MFSD11: variants seen among roughly 807,000 people sequenced by gnomAD.
MFSD11 encodes the protein major facilitator superfamily domain containing 11, also known as UNC93-like protein MFSD11.
MFSD11 carries 36 observed loss-of-function variants against 53.5 expected under a neutral mutation model. The ratio of observed to expected loss-of-function variants is 0.67; its 90% CI spans 0.52 to 0.89. MFSD11 has a LOEUF of 0.89. Among genes scored for constraint, MFSD11 ranks in the 40% least tolerant of loss-of-function variants. The probability of loss-of-function intolerance (pLI) is 0.00; values close to 1 mark genes in which losing one functional copy is unlikely to be tolerated. For missense variants in MFSD11, 530 were observed against 543.9 expected (o/e 0.97, Z 0.25); for synonymous variants, 186 against 184.9 (o/e 1.01, Z -0.05).
At chr17:76,795,221 C>G in the MFSD11 span, among the ~76,000 whole-genome samples, 1 of 150,020 alleles carries the variant, frequency 6.7e-6, no homozygotes, top group Non-Finnish European at 1.5e-5. Flanking sequence ...CGGGCTCATG[C>G]CTGTAATCCC....
At chr17:76,767,494 C>A in intron 9 of MFSD11, 43 bp downstream of exon 9, 2 of 1,268,478 alleles carry the variant, frequency 1.6e-6, no homozygotes, top group Non-Finnish European at 1.1e-6. Context: ...TGCATAATGA[C>A]AATAAGGAGT....
chr17:76,737,230 G>A (rs761683395), upstream of MFSD11: 2 of 1,463,850 alleles, frequency 1.4e-6, no homozygotes, highest in African/African-American at 2.8e-5. Context: ...GTGCGACGCC[G>A]CGCCTCTCAG....
At chr17:76,763,702 C>G (rs187710430) in intron 8 of MFSD11, among the ~76,000 whole-genome samples, 2 of 151,954 alleles carry the variant, frequency 1.3e-5, no homozygotes, top group East Asian at 3.9e-4. Flanking sequence ...AGCAAACGCT[C>G]TAGGAAAACA....
At chr17:76,778,093 T>A (rs1034835728) in intron 12 of MFSD11, 95 bp from the exon 13 acceptor site, 16 of 1,202,744 alleles carry the variant, frequency 1.3e-5, no homozygotes, top group Non-Finnish European at 1.9e-5. Flanking sequence ...GAGTTCCAGG[T>A]GTCCTTGGGG....
At chr17:76,793,757 A>G in the MFSD11 span, among the ~76,000 whole-genome samples, 16 of 151,594 alleles carry the variant, frequency 1.1e-4, no homozygotes, top group Admixed American at 2.6e-4. Flanking sequence ...TGGGGATCTA[A>G]TAAATGTCCA....
the MFSD11 span, among the ~76,000 whole-genome samples, chr17:76,789,443 C>T: frequency 6.7e-6 from 1 of 149,984 alleles, no homozygotes; most frequent in Non-Finnish European, 1.5e-5. Flanking sequence ...CAAGCATTCC[C>T]AGAGGAAGGT....
chr17:76,740,701 C>T (rs1183620499), intron 2 of MFSD11, among the ~76,000 whole-genome samples: 1 of 152,166 alleles, frequency 6.6e-6, no homozygotes, highest in Non-Finnish European at 1.5e-5. Flanking sequence ...GTTCCTGTTA[C>T]TATGACTTAC....
At chr17:76,741,239 G>A (rs1271792179) in intron 3 of MFSD11, among the ~76,000 whole-genome samples, 175 bp downstream of exon 3, 2 of 152,122 alleles carry the variant, frequency 1.3e-5, no homozygotes, top group Non-Finnish European at 2.9e-5. Context: ...GTGATAGGAT[G>A]TATCTATATC....
chr17:76,737,316 C>T (rs974519049), upstream of MFSD11: 8 of 1,076,226 alleles, frequency 7.4e-6, no homozygotes, highest in South Asian at 7.2e-5. Context: ...CAGGCTAGCG[C>T]ACCTGAGTAA....
At chr17:76,787,667 T>G in the MFSD11 span, among the ~76,000 whole-genome samples, 6 of 149,652 alleles carry the variant, frequency 4.0e-5, no homozygotes, top group African/African-American at 1.5e-4. Context: ...AGCAGTGAAA[T>G]GATTGAAAAC....
At chr17:76,739,713 C>T (rs1473461796) in intron 2 of MFSD11, among the ~76,000 whole-genome samples, 3 of 152,148 alleles carry the variant, frequency 2.0e-5, no homozygotes, top group Non-Finnish European at 4.4e-5. Context: ...TGGATCGTGG[C>T]ACTCCCCCGC....
chr17:76,766,564 T>C (rs1393159983), intron 8 of MFSD11, among the ~76,000 whole-genome samples: 1 of 152,320 alleles, frequency 6.6e-6, no homozygotes, highest in East Asian at 1.9e-4. Flanking sequence ...TGAAAATGAT[T>C]GGTACAAAAT....
At chr17:76,748,844 T>A (rs4467113) in intron 7 of MFSD11, among the ~76,000 whole-genome samples, 8,814 of 152,144 alleles carry the variant, frequency 0.058, 319 homozygotes, top group South Asian at 0.12. Context: ...TTCCTCCCTC[T>A]ATCCTTTCAC....
At chr17:76,780,464 T>G (rs544946870), downstream of MFSD11, among the ~76,000 whole-genome samples, 1 of 151,522 alleles carries the variant, frequency 6.6e-6, no homozygotes, top group East Asian at 1.9e-4. Flanking sequence ...AGAGCCACCG[T>G]GCCTAGGAAG....
At chr17:76,782,011 G>A (rs60613369), downstream of MFSD11, among the ~76,000 whole-genome samples, 12,830 of 147,418 alleles carry the variant, frequency 0.087, 1,982 homozygotes, top group African/African-American at 0.31. Flanking sequence ...TTTTGTAAAG[G>A]CAGTGTCTTA....
chr17:76,751,736 T>C (rs751264327), intron 7 of MFSD11, among the ~76,000 whole-genome samples: 1 of 151,408 alleles, frequency 6.6e-6, no homozygotes, highest in Non-Finnish European at 1.5e-5. Context: ...TCTTTAAAAA[T>C]TAAGGAAAAA....
intron 8 of MFSD11, among the ~76,000 whole-genome samples, chr17:76,762,804 C>G (rs186869672): frequency 9.2e-5 from 14 of 151,670 alleles, no homozygotes; most frequent in African/African-American, 2.7e-4. Flanking sequence ...TAAGCACCGG[C>G]GGGAAATCAA....
intron 8 of MFSD11, among the ~76,000 whole-genome samples, chr17:76,763,419 C>T (rs2080481792): frequency 6.6e-6 from 1 of 151,876 alleles, no homozygotes; most frequent in Admixed American, 6.6e-5. Flanking sequence ...GCATGCTACC[C>T]CTCCCGGCTA....
At chr17:76,738,081 C>T (rs1235202972), upstream of MFSD11, 9 of 483,186 alleles carry the variant, frequency 1.9e-5, no homozygotes, top group African/African-American at 6.0e-5. Context: ...GGCCCCTCAA[C>T]CTGGAGCGGA....
Sources: gnomAD v4.1 joint callset for allele counts (sites outside exome capture counted in the v4.1 genomes callset) on GRCh38, gnomAD v4.1.1 for gene constraint, MANE v1.5 for transcripts, NCBI Gene and HGNC (gene_info 2026-07-23, HGNC 2026-07-21) for gene names.